RBFOX1: variants seen among roughly 807,000 people sequenced by gnomAD.
The protein encoded by RBFOX1 is RNA binding fox-1 homolog 1.
Under a neutral mutation model 57.7 loss-of-function variants are expected in RBFOX1, and 8 were observed. That is an observed-to-expected ratio of 0.14 (90% CI 0.08 to 0.25). RBFOX1 has a LOEUF of 0.25. RBFOX1 is among the 10% of genes least tolerant of loss of function. RBFOX1 has a pLI of 1.00. For synonymous variants in RBFOX1, 326 were observed against 222.4 expected, an observed-to-expected ratio of 1.47 and a Z score of -4.15; for missense variants, 611 against 548.5, an observed-to-expected ratio of 1.11 and a Z score of -1.14.
intron 14 of RBFOX1, among the ~76,000 whole-genome samples, chr16:7,683,850 A>C (rs57863899): frequency 0.051 from 7,761 of 151,702 alleles, 566 homozygotes; most frequent in East Asian, 0.18. Context: ...CTAAAAAAAA[A>C]CCTGCATTCT....
chr16:6,409,660 C>A (rs773228286), intron 2 of RBFOX1, among the ~76,000 whole-genome samples: 94 of 151,916 alleles, frequency 6.2e-4, no homozygotes, highest in Non-Finnish European at 9.1e-4. Context: ...TAATATGGTC[C>A]CCAAATGGCT....
intron 3 of RBFOX1, among the ~76,000 whole-genome samples, chr16:6,991,290 A>G (rs979943344): frequency 2.1e-4 from 32 of 152,050 alleles, no homozygotes; most frequent in Admixed American, 1.6e-3. Context: ...GTAGAGTGAG[A>G]CCTTGTCTCA....
intron 2 of RBFOX1, among the ~76,000 whole-genome samples, chr16:6,617,243 A>G (rs1412906201): frequency 6.6e-6 from 1 of 151,946 alleles, no homozygotes; most frequent in African/African-American, 2.4e-5. Flanking sequence ...TTTGAAATCA[A>G]TTACATGAAG....
chr16:5,280,818 T>C (rs2063253401), intron 1 of RBFOX1, among the ~76,000 whole-genome samples: 1 of 151,868 alleles, frequency 6.6e-6, no homozygotes, highest in African/African-American at 2.4e-5. Context: ...TTGGGTCTCC[T>C]TTCTTTCTTT....
At chr16:7,505,909 G>C (rs2073108309) in intron 4 of RBFOX1, among the ~76,000 whole-genome samples, 1 of 152,164 alleles carries the variant, frequency 6.6e-6, no homozygotes, top group Non-Finnish European at 1.5e-5. Flanking sequence ...TTTCTGGCCA[G>C]GTGCAGTGGC....
intron 3 of RBFOX1, among the ~76,000 whole-genome samples, chr16:5,707,128 C>A (rs1319082942): frequency 6.6e-6 from 1 of 152,122 alleles, no homozygotes; most frequent in Non-Finnish European, 1.5e-5. Context: ...CACGACTCTC[C>A]CATTCCCAGA....
intron 4 of RBFOX1, among the ~76,000 whole-genome samples, chr16:5,890,168 G>A (rs1052655057): frequency 6.6e-6 from 1 of 152,134 alleles, no homozygotes; most frequent in Non-Finnish European, 1.5e-5. Flanking sequence ...CAGATCCCAG[G>A]TGTATGTGCT....
At chr16:5,308,755 T>G (rs1052132158) in intron 1 of RBFOX1, among the ~76,000 whole-genome samples, 2 of 152,074 alleles carry the variant, frequency 1.3e-5, no homozygotes, top group African/African-American at 4.8e-5. Context: ...TGTGTTACAT[T>G]TTTTTTCAAT....
chr16:6,753,565 A>G (rs1207434261), intron 3 of RBFOX1, among the ~76,000 whole-genome samples: 1 of 152,116 alleles, frequency 6.6e-6, no homozygotes, highest in Non-Finnish European at 1.5e-5. Flanking sequence ...CATCTGTCTT[A>G]ATAGAGACTG....
chr16:6,916,966 C>T (rs2073329379), intron 3 of RBFOX1, among the ~76,000 whole-genome samples: 1 of 152,156 alleles, frequency 6.6e-6, no homozygotes, highest in Non-Finnish European at 1.5e-5. Flanking sequence ...TTTCCTGCCT[C>T]AGCCTCCCAA....
chr16:7,268,662 T>G (rs1391266091), intron 4 of RBFOX1, among the ~76,000 whole-genome samples: 1 of 152,138 alleles, frequency 6.6e-6, no homozygotes, highest in Non-Finnish European at 1.5e-5. Flanking sequence ...TAACTGTGAG[T>G]CAATCCTGCC....
In RBFOX1 at chr16:7,140,179, TCTCTCTC is replaced by T. The variant is rs1245051926; in HGVS notation, c.27+88082_27+88088del. 6.6e-3 allele frequency among the ~76,000 whole-genome samples: 967 copies of T among 147,012 alleles called. 18 individuals carry two copies. Among genetic ancestry groups the T allele is most frequent in the African/African-American group, 0.023 (909 of 39,846 alleles). ...CTCCCTCTCTCTCTCTCTCTCTCTC[TCTCTCTC>T]TCTCTCTCCCTCCTTCTCCCTCCCA... On this transcript the variant is annotated intron_variant, in intron 4 of 15. Coordinates refer to ENST00000550418, the MANE Select transcript of RBFOX1 (RefSeq NM_018723.4).
At chr16:6,270,549 G>A (rs999691193) in intron 1 of RBFOX1, among the ~76,000 whole-genome samples, 1 of 150,770 alleles carries the variant, frequency 6.6e-6, no homozygotes, top group Non-Finnish European at 1.5e-5. Flanking sequence ...ATTCCTAAAT[G>A]TGCACTCATT....
At chr16:6,509,573 A>G (rs1050130526) in intron 2 of RBFOX1, among the ~76,000 whole-genome samples, 47 of 152,344 alleles carry the variant, frequency 3.1e-4, no homozygotes, top group African/African-American at 1.0e-3. Context: ...GGGCTGGTTC[A>G]TGGGAACAAA....
At chr16:5,424,475 A>T (rs59358958) in intron 1 of RBFOX1, among the ~76,000 whole-genome samples, 4,553 of 151,924 alleles carry the variant, frequency 0.03, 250 homozygotes, top group African/African-American at 0.1. Flanking sequence ...AAAGGAAAAG[A>T]TAGGCCAGGG....
At chr16:7,030,708 A>C (rs1427581911) in intron 3 of RBFOX1, among the ~76,000 whole-genome samples, 1 of 152,134 alleles carries the variant, frequency 6.6e-6, no homozygotes, top group Admixed American at 6.5e-5. Flanking sequence ...AAATAAGGCC[A>C]CATTCTGAGG....
chr16:6,911,793 C>G (rs994818663), intron 3 of RBFOX1, among the ~76,000 whole-genome samples: 4 of 152,112 alleles, frequency 2.6e-5, no homozygotes, highest in African/African-American at 4.8e-5. Flanking sequence ...TAGAAGAGAT[C>G]TATTTTTTCT....
chr16:6,853,737 A>T lies in RBFOX1; in HGVS notation c.-15-198320A>T, dbSNP rs1039398903. Among the ~76,000 whole-genome samples the T allele has an allele frequency of 3.9e-5, 6 of 152,276 alleles. No homozygotes were observed. In the East Asian group the frequency reaches 1.2e-3, roughly 29 times the overall value. Reference sequence around the variant, plus strand: ...TTTACCAGTAGACAATGTGATTGGGATAATGCGCCTCACTGTGCGTGGAGA... The same window carrying T: ...TTTACCAGTAGACAATGTGATTGGGTTAATGCGCCTCACTGTGCGTGGAGA... On this transcript the variant is annotated intron_variant, in intron 3 of 15. Coordinates refer to ENST00000550418, the MANE Select transcript of RBFOX1 (RefSeq NM_018723.4).
chr16:7,702,503 G>GAA (rs1214105804), intron 14 of RBFOX1, among the ~76,000 whole-genome samples: 1 of 152,178 alleles, frequency 6.6e-6, no homozygotes, highest in African/African-American at 2.4e-5. Context: ...GGTTGAGTTG[G>GAA]AAAACATAAA....
Sources: allele counts gnomAD v4.1 joint callset (sites outside exome capture counted in the v4.1 genomes callset), GRCh38; gene constraint gnomAD v4.1.1; transcripts MANE v1.5; gene names NCBI Gene and HGNC (gene_info 2026-07-23, HGNC 2026-07-21).